TDRD5: variants seen among roughly 807,000 people sequenced by gnomAD.
The protein encoded by TDRD5 is tudor domain containing 5, also known as tudor domain-containing protein 5.
In TDRD5, 41 loss-of-function variants were observed where a neutral mutation model predicts 120.6. That is an observed-to-expected ratio of 0.34 (90% CI 0.26 to 0.44). The LOEUF (loss-of-function observed/expected upper bound fraction) is 0.44, where lower values mean the gene tolerates loss of function less well. Among genes scored for constraint, TDRD5 ranks in the 20% least tolerant of loss-of-function variants. The pLI, the probability that TDRD5 is intolerant of heterozygous loss-of-function variation, is 1.00. For missense variants in TDRD5, 1,006 were observed against 1,221.2 expected (o/e 0.82, Z 2.63); for synonymous variants, 430 against 433.7 (o/e 0.99, Z 0.11).
chr1:179,639,167 T>C (rs1677912421), intron 9 of TDRD5, among the ~76,000 whole-genome samples: 1 of 152,198 alleles, frequency 6.6e-6, no homozygotes, highest in Non-Finnish European at 1.5e-5. Context: ...GAGTGCTTAG[T>C]ATATGTGTAC....
chr1:179,621,101 T>G lies in TDRD5; in HGVS notation c.972+10T>G. ...GCTTGGAGAGTATGAGGTAAGTGTT[T>G]TGCTTTTCCCCAACCCTAATTTTTT... On this transcript the variant is annotated intron_variant, in intron 6 of 17. Transcript: ENST00000444136. The G allele has an allele frequency of 6.3e-7, 1 of 1,590,654 alleles. No homozygotes were observed. Among genetic ancestry groups the G allele is most frequent in the East Asian group, 2.3e-5 (1 of 43,664 alleles).
chr1:179,648,515 G>A (rs555335301), intron 11 of TDRD5, among the ~76,000 whole-genome samples: 53 of 146,046 alleles, frequency 3.6e-4, no homozygotes, highest in African/African-American at 1.1e-3. Context: ...TAGTGGATGC[G>A]GCGCACCAGC....
chr1:179,652,455 T>C (rs958558634), intron 13 of TDRD5, among the ~76,000 whole-genome samples: 4 of 152,176 alleles, frequency 2.6e-5, no homozygotes, highest in African/African-American at 9.7e-5. Context: ...TGAATGCTAT[T>C]CTTCTTCCCT....
chr1:179,647,711 A>G (rs1476377792), intron 11 of TDRD5, among the ~76,000 whole-genome samples: 2 of 151,892 alleles, frequency 1.3e-5, no homozygotes, highest in African/African-American at 2.4e-5. Flanking sequence ...ACAAAGGGCT[A>G]ATATCCAGAA....
At chr1:179,617,643 G>A (rs958897755) in intron 4 of TDRD5, among the ~76,000 whole-genome samples, 5 of 151,502 alleles carry the variant, frequency 3.3e-5, no homozygotes, top group Non-Finnish European at 7.4e-5. Flanking sequence ...TTTACATTCA[G>A]TTATCTACTT....
At chr1:179,597,559 T>C (rs1675470421) in intron 4 of TDRD5, among the ~76,000 whole-genome samples, 1 of 152,126 alleles carries the variant, frequency 6.6e-6, no homozygotes, top group Non-Finnish European at 1.5e-5. Flanking sequence ...CTTGAACTCC[T>C]GACCTCAGGA....
At chr1:179,636,505 A>G (rs921580447) in intron 9 of TDRD5, among the ~76,000 whole-genome samples, 3 of 152,234 alleles carry the variant, frequency 2.0e-5, no homozygotes, top group Admixed American at 1.3e-4. Context: ...AAAAATTACT[A>G]ATTTCAAGAT....
chr1:179,663,725 C>A (rs1679430146), intron 16 of TDRD5, among the ~76,000 whole-genome samples: 1 of 152,098 alleles, frequency 6.6e-6, no homozygotes, highest in Non-Finnish European at 1.5e-5. Flanking sequence ...TTGTAGAATA[C>A]ATATACATAA....
intron 3 of TDRD5, among the ~76,000 whole-genome samples, chr1:179,594,133 G>A (rs987233640): frequency 1.3e-4 from 20 of 152,236 alleles, no homozygotes; most frequent in Admixed American, 1.2e-3. Context: ...ATAATAAGTG[G>A]TAGCTATTAT....
chr1:179,626,811 T>G (rs368979812), intron 6 of TDRD5, among the ~76,000 whole-genome samples: 8 of 152,124 alleles, frequency 5.3e-5, no homozygotes, highest in African/African-American at 1.9e-4. Context: ...TGACAGGTAT[T>G]AAACAGGCAA....
chr1:179,614,038 A>C (rs1215505738), intron 4 of TDRD5, among the ~76,000 whole-genome samples: 1 of 152,192 alleles, frequency 6.6e-6, no homozygotes, highest in African/African-American at 2.4e-5. Flanking sequence ...AAGTGCTTTC[A>C]TCATTAGATA....
At chr1:179,606,629 A>G (rs1463256014) in intron 4 of TDRD5, among the ~76,000 whole-genome samples, 1 of 152,044 alleles carries the variant, frequency 6.6e-6, no homozygotes, top group Non-Finnish European at 1.5e-5. Flanking sequence ...TAAGGTCTAG[A>G]TATGTGTGTG....
In TDRD5 at chr1:179,652,128, CCAG is replaced by C; in HGVS notation, c.2097_2099del (p.Gln699del). ...TCTTGACAGAACTGGGTTATCCTTCCCAGCAGCACTATTTTAATGAAGACCGAA... is the reference window on the plus strand; with the variant it reads ...TCTTGACAGAACTGGGTTATCCTTCCCAGCACTATTTTAATGAAGACCGAA... On this transcript the variant is annotated inframe_deletion, in exon 13 of 18. Transcript: ENST00000444136. 2 of 1,613,920 alleles carry C rather than the reference CCAG, an allele frequency of 1.2e-6. No individual in the cohort carries two copies. The highest frequency in any genetic ancestry group is 1.7e-6 in the Non-Finnish European group (2 of 1,179,980).
chr1:179,650,927 G>C lies in TDRD5; in HGVS notation c.1861G>C (p.Val621Leu). ...GAAGTTGTGCGGTTTGAAGCCATTA[G>C]TGGGGGTAGTGGATGAATATGTAGA... ...FQKLCGLKPL[V>L]GVVDEYVDGI... is the part of the protein sequence containing the mutation. Residue 621 changes from valine (V) to leucine (L), a missense_variant, in exon 12 of 18, where the codon GTG (valine) becomes CTG (leucine). This residue lies in a region of TDRD5 where 158 missense variants were observed against 257.5 expected (regional missense o/e 0.61). Transcript: ENST00000444136. The C allele has an allele frequency of 6.2e-7, 1 of 1,614,146 alleles. No individual in the cohort carries two copies. The highest frequency in any genetic ancestry group is 2.2e-5 in the East Asian group (1 of 44,874).
chr1:179,609,244 G>A (rs1676153783), intron 4 of TDRD5, among the ~76,000 whole-genome samples: 1 of 152,048 alleles, frequency 6.6e-6, no homozygotes, highest in South Asian at 2.1e-4. Flanking sequence ...CTGAATATTT[G>A]CATGTACATA....
intron 4 of TDRD5, among the ~76,000 whole-genome samples, chr1:179,611,960 CA>C (rs1185188913): frequency 5.9e-5 from 9 of 152,128 alleles, no homozygotes; most frequent in Non-Finnish European, 1.0e-4. Flanking sequence ...ACAAACACTA[CA>C]AAATTATCAG....
At chr1:179,632,398 G>GT (rs59261684) in intron 7 of TDRD5, among the ~76,000 whole-genome samples, 2,118 of 132,952 alleles carry the variant, frequency 0.016, 38 homozygotes, top group African/African-American at 0.048. Context: ...GACAGGTTTT[G>GT]TTTTTTTTTT....
intron 17 of TDRD5, among the ~76,000 whole-genome samples, chr1:179,678,903 T>TG (rs1390961412): frequency 2.0e-5 from 3 of 152,228 alleles, no homozygotes; most frequent in African/African-American, 2.4e-5. Context: ...ATTATAGAGT[T>TG]GAATAGGAGA....
intron 11 of TDRD5, among the ~76,000 whole-genome samples, 160 bp from the exon 12 acceptor site, chr1:179,650,707 C>T (rs908696453): frequency 6.6e-6 from 1 of 152,118 alleles, no homozygotes; most frequent in African/African-American, 2.4e-5. Flanking sequence ...TGACTTTTCT[C>T]ATCCCCAAAT....
Sources: gnomAD v4.1 joint callset for allele counts (sites outside exome capture counted in the v4.1 genomes callset) on GRCh38, gnomAD v4.1.1 for gene constraint, gnomAD v4.1.1 regional missense constraint, MANE v1.5 for transcripts, NCBI Gene and HGNC (gene_info 2026-07-23, HGNC 2026-07-21) for gene names.